Variants in WASHC2A observed in about 807,000 individuals in gnomAD.
WASHC2A encodes WASH complex subunit FAM21A.
WASHC2A carries 82 observed loss-of-function variants against 140.3 expected under a neutral mutation model. That is an observed-to-expected ratio of 0.58 (90% CI 0.49 to 0.70). The LOEUF is 0.70. WASHC2A is among the 30% of genes least tolerant of loss of function. WASHC2A has a pLI of 0.00. For synonymous variants in WASHC2A, 340 were observed against 560.8 expected (o/e 0.61, Z 5.56); for missense variants, 985 against 1,521.8 (o/e 0.65, Z 5.87).
intron 28 of WASHC2A, among the ~76,000 whole-genome samples, chr10:50,128,127 G>A (rs1174312741): frequency 1.3e-5 from 2 of 150,770 alleles, no homozygotes; most frequent in South Asian, 2.1e-4. Flanking sequence ...TCCTGCTGGC[G>A]CTTCCTCACT....
At chr10:50,068,737 G>A (rs1404798044) in intron 2 of WASHC2A, among the ~76,000 whole-genome samples, 1 of 149,636 alleles carries the variant, frequency 6.7e-6, no homozygotes, top group African/African-American at 2.5e-5. Context: ...TTTAAAAGGA[G>A]ACAGGGTTTT....
At chr10:50,121,642 C>T (rs1439155780) in intron 23 of WASHC2A, among the ~76,000 whole-genome samples, 2 of 149,680 alleles carry the variant, frequency 1.3e-5, no homozygotes, top group Non-Finnish European at 2.9e-5. Flanking sequence ...GATCCACCTG[C>T]CTTAGCCTCC....
At chr10:50,074,995 T>TGAAAACAG (rs1421354432) in intron 3 of WASHC2A, among the ~76,000 whole-genome samples, 1 of 152,006 alleles carries the variant, frequency 6.6e-6, no homozygotes, top group Non-Finnish European at 1.5e-5. Context: ...ACCATTGAAC[T>TGAAAACAG]TTTCAGTGTA....
chr10:50,094,660 C>T (rs1219497642), intron 13 of WASHC2A, among the ~76,000 whole-genome samples: 3 of 151,990 alleles, frequency 2.0e-5, no homozygotes, highest in Non-Finnish European at 4.4e-5. Flanking sequence ...TAGCCTGGCT[C>T]TCCTCTGCTT....
chr10:50,092,666 CAG>C (rs1840049507), intron 11 of WASHC2A, among the ~76,000 whole-genome samples: 1 of 151,506 alleles, frequency 6.6e-6, no homozygotes, highest in South Asian at 2.1e-4. Context: ...CAAAAACAAA[CAG>C]AAGCCTTGGA....
At chr10:50,072,307 C>T (rs1160092013) in intron 3 of WASHC2A, among the ~76,000 whole-genome samples, 2 of 151,614 alleles carry the variant, frequency 1.3e-5, no homozygotes, top group Non-Finnish European at 2.9e-5. Context: ...AACTCTTCTC[C>T]GGATGTGCTG....
chr10:50,093,823 T>A, intron 12 of WASHC2A, 37 bp from the exon 13 acceptor site: 1 of 1,164,400 alleles, frequency 8.6e-7, no homozygotes, highest in Non-Finnish European at 1.3e-6. Context: ...TTCTCCTGGT[T>A]TTTTGAATTC....
chr10:50,095,596 C>T lies in WASHC2A; in HGVS notation c.1241-3C>T, dbSNP rs1388092260. ...TGTGGCTGTCTTGTCTTTCCACCCA[C>T]AGGAGACACGGATGTGTTTGGTGCT... On this transcript the variant is annotated splice_region_variant and splice_polypyrimidine_tract_variant and intron_variant, in intron 14 of 30. Transcript: ENST00000282633. 3.2e-5 allele frequency: 52 copies of T among 1,611,888 alleles called. No individual in the cohort carries two copies. Among genetic ancestry groups the T allele is most frequent in the Non-Finnish European group, 4.3e-5 (51 of 1,179,870 alleles).
At chr10:50,107,240 TTGTTAA>T (rs1173245092) in intron 19 of WASHC2A, among the ~76,000 whole-genome samples, 1 of 102,014 alleles carries the variant, frequency 9.8e-6, no homozygotes, top group African/African-American at 3.6e-5. Context: ...TACTAGTATC[TTGTTAA>T]ATGACTACTG....
rs1478661962 is a variant in WASHC2A at position 50,127,389 on chromosome 10, T to G, written c.2874+167T>G. On this transcript the variant is annotated intron_variant, in intron 27 of 30. Coordinates refer to ENST00000282633, the MANE Select transcript of WASHC2A (RefSeq NM_001005751.3). Reference sequence around the variant, plus strand: ...TGTGTGCTGCGTCTTTAACATCTATTTTTTGAGCCCAGTGGTGGGCATAGG... The same window carrying G: ...TGTGTGCTGCGTCTTTAACATCTATGTTTTGAGCCCAGTGGTGGGCATAGG... 4.6e-5 allele frequency among the ~76,000 whole-genome samples: 7 copies of G among 152,310 alleles called. No homozygotes were observed. In the South Asian group the frequency reaches 1.5e-3, roughly 32 times the overall value.
At chr10:50,132,347 G>A (rs1485898716) in intron 30 of WASHC2A, among the ~76,000 whole-genome samples, 1 of 152,212 alleles carries the variant, frequency 6.6e-6, no homozygotes, top group Non-Finnish European at 1.5e-5. Flanking sequence ...ATGCAGTGAC[G>A]GAGGCTTACA....
intron 20 of WASHC2A, 29 bp downstream of exon 20, chr10:50,110,299 A>C (rs1554889946): frequency 6.2e-7 from 1 of 1,606,846 alleles, no homozygotes; most frequent in Non-Finnish European, 8.5e-7. Flanking sequence ...GGAGTCCCTC[A>C]CTCCGTTACC....
Position 50,127,660 on chromosome 10 carries a change from A to G in WASHC2A, c.2952A>G (p.Pro984=). ...SQISEVKPVL[P]ELAFPSSEHR... ...TCTCTGAAGTAAAGCCTGTTTTGCC[A>G]GAATTGGCTTTTCCTTCATCTGAAC... The change falls in exon 28 of 31, where the codon CCA becomes CCG. Residue 984 remains proline (P), a synonymous_variant. Transcript: ENST00000282633. The G allele has an allele frequency of 1.2e-6, 2 of 1,603,240 alleles. No individual in the cohort carries two copies. The highest frequency in any genetic ancestry group is 2.3e-4 in the Middle Eastern group (1 of 4,420).
intron 28 of WASHC2A, among the ~76,000 whole-genome samples, chr10:50,128,552 GAC>G (rs1843650213): frequency 1.3e-5 from 2 of 152,286 alleles, no homozygotes; most frequent in East Asian, 3.9e-4. Context: ...TAAGCGACAG[GAC>G]ACAGAATGAC....
At chr10:50,121,184 G>T (rs1430590621) in intron 23 of WASHC2A, among the ~76,000 whole-genome samples, 2 of 150,214 alleles carry the variant, frequency 1.3e-5, no homozygotes, top group Non-Finnish European at 2.9e-5. Flanking sequence ...ATTCAGATTG[G>T]AAAGGAAAAA....
chr10:50,111,528 G>A (rs1242507896), intron 20 of WASHC2A, among the ~76,000 whole-genome samples: 2 of 152,110 alleles, frequency 1.3e-5, no homozygotes, highest in African/African-American at 4.8e-5. Context: ...TTCTCTCATC[G>A]GTTTGTTGGG....
chr10:50,097,188 T>G (rs1840566318), intron 15 of WASHC2A, among the ~76,000 whole-genome samples: 1 of 145,054 alleles, frequency 6.9e-6, no homozygotes, highest in Non-Finnish European at 1.5e-5. Flanking sequence ...TAGAAGCATG[T>G]ATGCTGAACT....
chr10:50,087,431 G>C, intron 8 of WASHC2A, 109 bp downstream of exon 8: 1 of 1,374,718 alleles, frequency 7.3e-7, no homozygotes, highest in Non-Finnish European at 1.0e-6. Context: ...ATTTTTTCTT[G>C]TATACAATTT....
rs1290658842 is a variant in WASHC2A at position 50,084,110 on chromosome 10, G to T, written c.567G>T (p.Gly189=). The change falls in exon 6 of 31, where the codon GGG becomes GGT. Residue 189 remains glycine, a synonymous_variant. Coordinates refer to ENST00000282633, the MANE Select transcript of WASHC2A (RefSeq NM_001005751.3). ...ATCGTCCTTTACCATATCTCATTGG[G>T]TCAAAGCTGTTCATGGAACAAGAAG... ...YIDRPLPYLI[G]SKLFMEQEDV... 107 of 1,611,506 alleles carry T rather than the reference G, an allele frequency of 6.6e-5. 1 individual carries two copies. Among genetic ancestry groups the T allele is most frequent in the Non-Finnish European group, 8.6e-5 (102 of 1,179,820 alleles).
Sources: gnomAD v4.1 joint callset for allele counts (sites outside exome capture counted in the v4.1 genomes callset) on GRCh38, gnomAD v4.1.1 for gene constraint, MANE v1.5 for transcripts, NCBI Gene and HGNC (gene_info 2026-07-23, HGNC 2026-07-21) for gene names.